COG6: variants seen among roughly 807,000 people sequenced by gnomAD.
The protein encoded by COG6 is conserved oligomeric Golgi complex subunit 6.
A neutral mutation model predicts 88.8 loss-of-function variants in COG6; 74 were observed. That is an observed-to-expected ratio of 0.83 (90% confidence interval 0.69 to 1.01). The LOEUF is 1.01. COG6 is among the 50% of genes least tolerant of loss of function. The pLI, the probability that COG6 is intolerant of heterozygous loss-of-function variation, is 0.00. For missense variants in COG6, 800 were observed against 797.9 expected, an observed-to-expected ratio of 1.00 and a Z score of -0.03; for synonymous variants, 286 against 278.7, an observed-to-expected ratio of 1.03 and a Z score of -0.26.
chr13:39,724,397 A>G (rs546232363), intron 16 of COG6, 111 bp from the exon 17 acceptor site: 21 of 774,038 alleles, frequency 2.7e-5, no homozygotes, highest in Non-Finnish European at 4.4e-5. Flanking sequence ...AAGCTAAATG[A>G]TTTTCCAAAT....
At chr13:39,710,469 A>G (rs1330130454) in intron 13 of COG6, among the ~76,000 whole-genome samples, 1 of 152,076 alleles carries the variant, frequency 6.6e-6, no homozygotes, top group Non-Finnish European at 1.5e-5. Flanking sequence ...GTGGGTATGG[A>G]GGAGCAAATT....
intron 18 of COG6, among the ~76,000 whole-genome samples, chr13:39,777,478 G>A (rs1043743098): frequency 3.9e-5 from 6 of 152,214 alleles, no homozygotes; most frequent in Non-Finnish European, 7.3e-5. Flanking sequence ...AAATGTGAGA[G>A]TTGTTGGAAG....
At chr13:39,752,748 GACTC>G, downstream of COG6, 1 of 897,676 alleles carries the variant, frequency 1.1e-6, no homozygotes, top group Non-Finnish European at 1.4e-6. Context: ...ATCAGTGAAA[GACTC>G]ACAGGAAAAA....
At position 39,787,777 on chromosome 13, in the gene COG6, C is replaced by T. The variant is rs556705767; in HGVS notation, c.1827-558C>T. Among the ~76,000 whole-genome samples, 7 of 152,178 alleles carry T rather than the reference C, an allele frequency of 4.6e-5. No homozygotes were observed. The East Asian group carries it at 1.3e-3, about 29-fold the overall frequency. ...CATTTTTTAAAATACAGCATAACAA[C>T]TAAGCACATTGTATTAGGTATTGTA... On this transcript the variant is annotated intron_variant, in intron 18 of 18. Coordinates refer to the COG6 transcript ENST00000416691.
chr13:39,751,710 A>G lies in COG6; in HGVS notation c.*617A>G. ...TATATATTTGACTGTGTACATTCTT[A>G]TGCAATTTTAAGTATACACTCAGCA... On this transcript the variant is annotated 3_prime_UTR_variant, in exon 19 of 19. Coordinates refer to ENST00000455146, the MANE Select transcript of COG6 (RefSeq NM_020751.3). The G allele has an allele frequency of 7.8e-7, 1 of 1,286,950 alleles. No homozygotes were observed. The highest frequency in any genetic ancestry group is 1.0e-6 in the Non-Finnish European group (1 of 988,508). The allele number at this position is 1,286,950 out of a possible 1,614,324, so 79.7% of individuals were successfully genotyped here.
intron 13 of COG6, among the ~76,000 whole-genome samples, chr13:39,709,980 G>C (rs1300831830): frequency 6.6e-6 from 1 of 152,028 alleles, no homozygotes; most frequent in Non-Finnish European, 1.5e-5. Flanking sequence ...ATTTATTTTA[G>C]ATTATTTATT....
chr13:39,683,884 G>A (rs1221439621), intron 8 of COG6, among the ~76,000 whole-genome samples: 1 of 152,108 alleles, frequency 6.6e-6, no homozygotes, highest in South Asian at 2.1e-4. Flanking sequence ...TGGCTATAAG[G>A]TGGGTTCTTG....
chr13:39,752,389 A>G lies in COG6; in HGVS notation c.*1296A>G. The stretch of plus-strand genomic sequence containing the variant: ...TAATACAGTTCTTTTTGGAGTAAGA[A>G]TGATTATATAATCGTTATCCATTTG... On this transcript the variant is annotated 3_prime_UTR_variant, in exon 19 of 19. Transcript: ENST00000455146. 1 of 991,610 alleles carries G rather than the reference A, an allele frequency of 1.0e-6. No individual in the cohort carries two copies. The highest frequency in any genetic ancestry group is 1.5e-5 in the South Asian group (1 of 67,726). The allele number at this position is 991,610 out of a possible 1,614,324, so 61.4% of individuals were successfully genotyped here.
chr13:39,715,983 A>G (rs533033043), intron 13 of COG6, among the ~76,000 whole-genome samples: 96 of 152,196 alleles, frequency 6.3e-4, no homozygotes, highest in Non-Finnish European at 1.1e-3. Flanking sequence ...GGAATGATAA[A>G]TAGAATACTT....
chr13:39,767,467 A>C (rs182966961), intron 18 of COG6, among the ~76,000 whole-genome samples: 1 of 152,262 alleles, frequency 6.6e-6, no homozygotes, highest in Admixed American at 6.5e-5. Context: ...TTCCCCCTTC[A>C]GGAGTTCTTA....
Position 39,751,401 on chromosome 13 carries a change from T to A in COG6, c.*308T>A. On this transcript the variant is annotated 3_prime_UTR_variant, in exon 19 of 19. Coordinates refer to ENST00000455146, the MANE Select transcript of COG6 (RefSeq NM_020751.3). ...AAGTAGTATGAAAGGTTTGAAGAAT[T>A]TTTTTTTACAAGACTAGTTCTAAAT... 1 of 1,322,826 alleles carries A rather than the reference T, an allele frequency of 7.6e-7. No individual in the cohort carries two copies. The allele number at this position is 1,322,826 out of a possible 1,614,324, so 81.9% of individuals were successfully genotyped here. A position where few individuals can be genotyped will look rare whatever the true frequency, so the allele number is the denominator to read the frequency against.
At chr13:39,695,386 T>TA in intron 12 of COG6, among the ~76,000 whole-genome samples, 1 of 152,034 alleles carries the variant, frequency 6.6e-6, no homozygotes, top group South Asian at 2.1e-4. Context: ...TGAGTTTTAT[T>TA]ATAACTCTCA....
In COG6 at chr13:39,751,319, A is replaced by G. The variant is rs1394075974; in HGVS notation, c.*226A>G. ...GTATCTACTCTAAATGAGATGATCT[A>G]TTTTTTTGCTAGCCATCTCTCCAGC... On this transcript the variant is annotated 3_prime_UTR_variant, in exon 19 of 19. Coordinates refer to ENST00000455146, the MANE Select transcript of COG6 (RefSeq NM_020751.3). 6.8e-6 allele frequency: 10 copies of G among 1,479,156 alleles called. No individual in the cohort carries two copies. Among genetic ancestry groups the G allele is most frequent in the Non-Finnish European group, 7.2e-6 (8 of 1,113,864 alleles). 91.6% of individuals were successfully genotyped at this position (1,479,156 alleles called of 1,614,324 possible).
At chr13:39,695,212 C>T (rs1877208805) in intron 12 of COG6, among the ~76,000 whole-genome samples, 1 of 151,682 alleles carries the variant, frequency 6.6e-6, no homozygotes, top group Admixed American at 6.6e-5. Context: ...AATTCTTTAG[C>T]ATTTAGTTTA....
At chr13:39,777,071 G>A (rs1056469158) in intron 18 of COG6, among the ~76,000 whole-genome samples, 1 of 152,176 alleles carries the variant, frequency 6.6e-6, no homozygotes, top group Non-Finnish European at 1.5e-5. Context: ...TCAAGTGTTA[G>A]GCTAACTACT....
At chr13:39,712,617 A>G (rs533163805) in intron 13 of COG6, among the ~76,000 whole-genome samples, 1 of 152,336 alleles carries the variant, frequency 6.6e-6, no homozygotes, top group East Asian at 1.9e-4. Flanking sequence ...TTTGAAGTAG[A>G]CGTTCTCACA....
intron 18 of COG6, among the ~76,000 whole-genome samples, chr13:39,781,230 C>T (rs1593488374): frequency 6.6e-6 from 1 of 152,176 alleles, no homozygotes; most frequent in East Asian, 1.9e-4. Context: ...GAGCTGCTAC[C>T]CACATAATAC....
rs1329713833 is a variant in COG6 at position 39,680,026 on chromosome 13, A to T, written c.675A>T (p.Arg225Ser). 6.3e-7 allele frequency: 1 copy of T among 1,586,736 alleles called. No individual in the cohort carries two copies. The highest frequency in any genetic ancestry group is 2.2e-5 in the East Asian group (1 of 44,596). The change falls in exon 7 of 19, where the codon AGA (arginine) becomes AGT (serine). Residue 225 changes from arginine to serine, a missense_variant. By Grantham distance (110) the Arg-to-Ser change is moderately radical (BLOSUM62 -1). Transcript: ENST00000455146. ...MALLQETAYE[R>S]LYRWAQSECR... Reference sequence around the variant, plus strand: ...TACTTCAAGAAACGGCTTATGAAAGACTTTACCGATGGGCTCAAAGTAAGT... The same window carrying T: ...TACTTCAAGAAACGGCTTATGAAAGTCTTTACCGATGGGCTCAAAGTAAGT...
chr13:39,698,884 C>T (rs1877420029), intron 12 of COG6, among the ~76,000 whole-genome samples: 1 of 151,680 alleles, frequency 6.6e-6, no homozygotes. Context: ...TGGGAAACCT[C>T]CTTGAATGGG....
Sources: allele counts gnomAD v4.1 joint callset (sites outside exome capture counted in the v4.1 genomes callset), GRCh38; gene constraint gnomAD v4.1.1; transcripts MANE v1.5; gene names NCBI Gene and HGNC (gene_info 2026-07-23, HGNC 2026-07-21).